The following PTPRM variants were observed in gnomAD, a reference collection of about 807,000 sequenced individuals.
PTPRM encodes protein tyrosine phosphatase receptor type M.
PTPRM carries 47 observed loss-of-function variants against 186.7 expected under a neutral mutation model. That is an observed-to-expected ratio of 0.25 (90% CI 0.20 to 0.32). PTPRM has a LOEUF of 0.32. Among genes scored for constraint, PTPRM ranks in the 10% least tolerant of loss-of-function variants. The pLI, the probability that PTPRM is intolerant of heterozygous loss-of-function variation, is 1.00. For missense variants in PTPRM, 1,494 were observed against 1,865.0 expected (o/e 0.80, Z 3.66); for synonymous variants, 668 against 674.9 (o/e 0.99, Z 0.16).
intron 11 of PTPRM, among the ~76,000 whole-genome samples, chr18:8,095,534 A>T (rs1020813509): frequency 6.6e-6 from 1 of 152,138 alleles, no homozygotes; most frequent in African/African-American, 2.4e-5. Flanking sequence ...ACCAATAAGT[A>T]GCCATTCAAG....
intron 3 of PTPRM, among the ~76,000 whole-genome samples, chr18:7,896,323 C>A (rs1221842797): frequency 6.6e-6 from 1 of 152,140 alleles, no homozygotes; most frequent in African/African-American, 2.4e-5. Flanking sequence ...CTGTTTCCCA[C>A]CCCTACACCC....
intron 14 of PTPRM, among the ~76,000 whole-genome samples, chr18:8,186,673 C>T (rs2080505523): frequency 6.6e-6 from 1 of 152,298 alleles, no homozygotes; most frequent in South Asian, 2.1e-4. Flanking sequence ...CTGAGAGACT[C>T]CACCATGTCT....
intron 6 of PTPRM, among the ~76,000 whole-genome samples, chr18:7,952,790 G>C (rs2053058601): frequency 6.6e-6 from 1 of 152,106 alleles, no homozygotes; most frequent in African/African-American, 2.4e-5. Context: ...CAGATCACTT[G>C]AGGTCAGGAG....
intron 7 of PTPRM, among the ~76,000 whole-genome samples, chr18:7,962,635 A>G (rs565877882): frequency 2.6e-5 from 4 of 152,360 alleles, no homozygotes; most frequent in Admixed American, 6.5e-5. Flanking sequence ...GGGGCATTAC[A>G]TGAAGCCCAA....
intron 22 of PTPRM, among the ~76,000 whole-genome samples, chr18:8,339,623 A>G (rs904056239): frequency 6.6e-6 from 1 of 152,216 alleles, no homozygotes; most frequent in Non-Finnish European, 1.5e-5. Flanking sequence ...GCAAAGGCTT[A>G]CTGACCTCCC....
chr18:7,783,882 C>A (rs148903543), intron 2 of PTPRM, among the ~76,000 whole-genome samples: 1 of 152,012 alleles, frequency 6.6e-6, no homozygotes, highest in East Asian at 1.9e-4. Flanking sequence ...ACTGGAATTA[C>A]AGGTGGAAGC....
At chr18:8,228,069 G>A (rs1266750845) in intron 14 of PTPRM, among the ~76,000 whole-genome samples, 1 of 152,218 alleles carries the variant, frequency 6.6e-6, no homozygotes, top group Non-Finnish European at 1.5e-5. Context: ...CGGTTGGTTT[G>A]GGGAATGGCG....
intron 1 of PTPRM, among the ~76,000 whole-genome samples, chr18:7,685,769 G>A (rs1003363811): frequency 1.3e-5 from 2 of 152,044 alleles, no homozygotes; most frequent in Admixed American, 6.6e-5. Flanking sequence ...ACTCCTCAGA[G>A]CCACTAGGCA....
intron 7 of PTPRM, among the ~76,000 whole-genome samples, chr18:8,016,530 C>CAAAAAAAA (rs563624187): frequency 4.3e-5 from 3 of 70,208 alleles, no homozygotes; most frequent in Non-Finnish European, 9.0e-5. Flanking sequence ...AAGAGTCTGT[C>CAAAAAAAA]AAAAAAAAAA....
At chr18:8,168,642 T>C (rs2093356320) in intron 14 of PTPRM, among the ~76,000 whole-genome samples, 1 of 152,218 alleles carries the variant, frequency 6.6e-6, no homozygotes, top group Non-Finnish European at 1.5e-5. Context: ...ACTAAATTAT[T>C]TGTGTTACTA....
intron 14 of PTPRM, among the ~76,000 whole-genome samples, chr18:8,179,193 T>C (rs751175857): frequency 2.0e-5 from 3 of 152,246 alleles, no homozygotes; most frequent in Non-Finnish European, 4.4e-5. Flanking sequence ...ATTACTGCAC[T>C]TATGCAAATA....
chr18:8,277,953 A>G lies in PTPRM; in HGVS notation c.2755-18415A>G, dbSNP rs529330766. Among the ~76,000 whole-genome samples, 4 of 152,368 alleles carry G rather than the reference A, an allele frequency of 2.6e-5. No individual in the cohort carries two copies. The South Asian group carries it at 8.3e-4, about 32-fold the overall frequency. Reference sequence around the variant, plus strand: ...TAGGGAGAGAAGTGGGCTAGAAGAAAAAAATTAACTATGGAAAAACATAAG... The same window carrying G: ...TAGGGAGAGAAGTGGGCTAGAAGAAGAAAATTAACTATGGAAAAACATAAG... On this transcript the variant is annotated intron_variant, in intron 19 of 32. Coordinates refer to ENST00000580170, the MANE Select transcript of PTPRM (RefSeq NM_001105244.2).
At chr18:8,023,099 T>G (rs930685039) in intron 7 of PTPRM, among the ~76,000 whole-genome samples, 3 of 131,106 alleles carry the variant, frequency 2.3e-5, no homozygotes, top group African/African-American at 7.5e-5. Context: ...GTGGGTTTCA[T>G]GTTGCGGAGG....
At chr18:8,114,956 T>TA in intron 13 of PTPRM, 129 bp downstream of exon 13, 2 of 670,538 alleles carry the variant, frequency 3.0e-6, no homozygotes, top group Non-Finnish European at 5.0e-6. Flanking sequence ...TACATATATA[T>TA]ATATGCATGA....
chr18:7,691,505 C>T (rs1056087926), intron 1 of PTPRM, among the ~76,000 whole-genome samples: 9 of 152,234 alleles, frequency 5.9e-5, no homozygotes, highest in African/African-American at 1.2e-4. Flanking sequence ...TTCGGTATTT[C>T]GGTGCCTTTT....
chr18:8,257,725 T>G (rs2094587573), intron 19 of PTPRM, among the ~76,000 whole-genome samples: 1 of 152,238 alleles, frequency 6.6e-6, no homozygotes. Context: ...CCCATCGGCC[T>G]TTCTGGTCTT....
intron 2 of PTPRM, among the ~76,000 whole-genome samples, chr18:7,812,009 A>G (rs2044545585): frequency 6.6e-6 from 1 of 152,194 alleles, no homozygotes. Flanking sequence ...AACCTTTTAT[A>G]TAATAGTTAT....
intron 7 of PTPRM, among the ~76,000 whole-genome samples, chr18:8,024,513 T>A (rs564160876): frequency 3.9e-5 from 6 of 152,100 alleles, no homozygotes; most frequent in Non-Finnish European, 8.8e-5. Flanking sequence ...ATAACAGTGA[T>A]GCCAGGACAA....
At chr18:7,730,392 T>A (rs537347257) in intron 1 of PTPRM, among the ~76,000 whole-genome samples, 1 of 152,270 alleles carries the variant, frequency 6.6e-6, no homozygotes, top group South Asian at 2.1e-4. Context: ...GTTCCTATGG[T>A]TCCTCCTCAA....
Sources: gnomAD v4.1 joint callset for allele counts (sites outside exome capture counted in the v4.1 genomes callset) on GRCh38, gnomAD v4.1.1 for gene constraint, MANE v1.5 for transcripts, NCBI Gene and HGNC (gene_info 2026-07-23, HGNC 2026-07-21) for gene names.